Variants in YIPF7 observed in about 807,000 individuals in gnomAD.
The protein encoded by YIPF7 is protein YIPF7.
YIPF7 carries 35 observed loss-of-function variants against 27.2 expected under a neutral mutation model. The ratio of observed to expected loss-of-function variants is 1.29; its 90% CI spans 0.98 to 1.70. YIPF7 has a LOEUF of 1.70. Among genes scored for constraint, YIPF7 ranks in the 40% most tolerant of loss-of-function variants. The pLI is 0.00. For synonymous variants in YIPF7, 137 were observed against 110.4 expected (o/e 1.24, Z -1.51); for missense variants, 358 against 303.7 (o/e 1.18, Z -1.33).
Position 44,622,445 on chromosome 4 carries a change from T to C in YIPF7, c.740A>G (p.Tyr247Cys). The C allele has an allele frequency of 6.2e-7, 1 of 1,613,542 alleles. No homozygotes were observed. The highest frequency in any genetic ancestry group is 8.5e-7 in the Non-Finnish European group (1 of 1,179,710). The stretch of plus-strand genomic sequence containing the variant: ...AATTGTTAGGAGGGCAAAAAGTCCA[T>C]AAAGTATGGCACAAGGGTAGGCAAC... ...LLVAYPCAILYGLFALLTIF is the reference protein window; with the variant it reads ...LLVAYPCAILCGLFALLTIF The change falls in exon 6 of 6, where the codon TAT (tyrosine) becomes TGT (cysteine). Residue 247 changes from tyrosine (Y) to cysteine (C), a missense_variant. Coordinates refer to ENST00000415895, the MANE Select transcript of YIPF7 (RefSeq NM_182592.3).
At chr4:44,642,533 T>C (rs1395973200) in intron 2 of YIPF7, among the ~76,000 whole-genome samples, 2 of 152,134 alleles carry the variant, frequency 1.3e-5, no homozygotes. Context: ...CAAAGTATGA[T>C]CCAAAAAATC....
In YIPF7 at chr4:44,622,590, A is replaced by G. The variant is rs754098355; in HGVS notation, c.609-14T>C. The G allele has an allele frequency of 6.2e-7, 1 of 1,611,462 alleles. No individual in the cohort carries two copies. The highest frequency in any genetic ancestry group is 2.2e-5 in the East Asian group (1 of 44,856). On this transcript the variant is annotated splice_polypyrimidine_tract_variant and intron_variant, in intron 5 of 5. Coordinates refer to ENST00000415895, the MANE Select transcript of YIPF7 (RefSeq NM_182592.3). ...CCAAAGATGCCCCTGCAGCAAAGAC[A>G]AAGAAATGATTGCCTGTGCCAGTAG...
chr4:44,624,569 T>C lies in YIPF7; in HGVS notation c.608+32A>G, dbSNP rs115065558. On this transcript the variant is annotated intron_variant, in intron 5 of 5. Coordinates refer to ENST00000415895, the MANE Select transcript of YIPF7 (RefSeq NM_182592.3). ...GGCAAACCTTGGCTATGATTGTGCA[T>C]GTGGGGTCATTGAGAGCACACAGAC... 2.4e-3 allele frequency: 3,713 copies of C among 1,535,240 alleles called. 79 individuals are homozygous for C. In the African/African-American group the frequency reaches 0.045, roughly 18 times the overall value.
intron 2 of YIPF7, among the ~76,000 whole-genome samples, chr4:44,643,876 T>C (rs1405796904): frequency 1.3e-5 from 2 of 152,022 alleles, no homozygotes; most frequent in African/African-American, 4.8e-5. Context: ...AGAGGATTTA[T>C]GGAAAAGCCT....
At chr4:44,655,493 G>T (rs1006632248), upstream of YIPF7, among the ~76,000 whole-genome samples, 3 of 151,946 alleles carry the variant, frequency 2.0e-5, no homozygotes, top group Non-Finnish European at 2.9e-5. Context: ...AACACTAAAT[G>T]ATGTTTACTT....
intron 2 of YIPF7, among the ~76,000 whole-genome samples, chr4:44,641,571 C>T (rs1013064516): frequency 6.6e-6 from 1 of 152,090 alleles, no homozygotes; most frequent in Non-Finnish European, 1.5e-5. Context: ...CTTGGTAACT[C>T]CTTGTGATTT....
chr4:44,648,394 T>A (rs1713600679), intron 2 of YIPF7, among the ~76,000 whole-genome samples: 1 of 152,144 alleles, frequency 6.6e-6, no homozygotes. Context: ...CAGATTCTGA[T>A]TTGGGATTTG....
chr4:44,659,957 C>T (rs1713997434), intron 2 of YIPF7, among the ~76,000 whole-genome samples: 1 of 151,056 alleles, frequency 6.6e-6, no homozygotes, highest in Non-Finnish European at 1.5e-5. Context: ...ACTAAAAATA[C>T]AAAAAAATTA....
At chr4:44,639,757 G>T (rs1234448172) in intron 2 of YIPF7, among the ~76,000 whole-genome samples, 3 of 147,894 alleles carry the variant, frequency 2.0e-5, no homozygotes, top group Non-Finnish European at 4.4e-5. Flanking sequence ...GAGCATTCTT[G>T]TCTTGTTTCA....
At chr4:44,650,154 T>A in intron 1 of YIPF7, 53 bp from the exon 2 acceptor site, 1 of 1,083,550 alleles carries the variant, frequency 9.2e-7, no homozygotes, top group Non-Finnish European at 1.4e-6. Context: ...AAAACTTAGT[T>A]TGAGATATTT....
intron 1 of YIPF7, among the ~76,000 whole-genome samples, chr4:44,650,532 C>CACACAT (rs1553873572): frequency 6.6e-6 from 1 of 151,580 alleles, no homozygotes; most frequent in East Asian, 1.9e-4. Context: ...CACACACACA[C>CACACAT]TTGTACCAAG....
intron 2 of YIPF7, among the ~76,000 whole-genome samples, chr4:44,658,931 C>T (rs1331894048): frequency 1.3e-5 from 2 of 152,106 alleles, no homozygotes; most frequent in East Asian, 1.9e-4. Context: ...ATTATGGGAG[C>T]TACAATTCAA....
intron 3 of YIPF7, among the ~76,000 whole-genome samples, chr4:44,634,130 C>A (rs1272514278): frequency 6.6e-6 from 1 of 152,170 alleles, no homozygotes; most frequent in East Asian, 1.9e-4. Context: ...AAGGAATAAC[C>A]TTTAAGGCGT....
At chr4:44,638,350 T>C (rs1712034643) in intron 2 of YIPF7, among the ~76,000 whole-genome samples, 1 of 151,984 alleles carries the variant, frequency 6.6e-6, no homozygotes, top group African/African-American at 2.4e-5. Context: ...TGAGTGCATG[T>C]ACCAGCCATG....
intron 2 of YIPF7, among the ~76,000 whole-genome samples, chr4:44,639,778 G>GA (rs35779443): frequency 6.6e-6 from 1 of 151,730 alleles, no homozygotes; most frequent in Non-Finnish European, 1.5e-5. Context: ...TTTTTTCTTA[G>GA]AAAAAAATGC....
At position 44,622,108 on chromosome 4, in the gene YIPF7, G is replaced by A. The variant is rs1278901074; in HGVS notation, c.*306C>T. 3.8e-6 allele frequency: 1 copy of A among 266,020 alleles called. No individual in the cohort carries two copies. Among genetic ancestry groups the A allele is most frequent in the South Asian group, 5.7e-5 (1 of 17,482 alleles). 16.5% of individuals were successfully genotyped at this position (266,020 alleles called of 1,614,324 possible). The stretch of plus-strand genomic sequence containing the variant: ...AGAGATTTCCTTTTAGTAAACATAT[G>A]AGTTTATTTACTTACTTTTCTCAGA... On this transcript the variant is annotated 3_prime_UTR_variant, in exon 6 of 6. Coordinates refer to ENST00000415895, the MANE Select transcript of YIPF7 (RefSeq NM_182592.3).
At chr4:44,628,042 G>C (rs1193710849) in intron 4 of YIPF7, among the ~76,000 whole-genome samples, 1 of 152,126 alleles carries the variant, frequency 6.6e-6, no homozygotes, top group Non-Finnish European at 1.5e-5. Flanking sequence ...GACTTGTAAA[G>C]AAAGATGAGT....
At chr4:44,645,691 A>G in intron 2 of YIPF7, among the ~76,000 whole-genome samples, 1 of 152,208 alleles carries the variant, frequency 6.6e-6, no homozygotes, top group East Asian at 1.9e-4. Flanking sequence ...TTAGATCAAA[A>G]GAAACATTGA....
chr4:44,635,138 A>G (rs1713069687), intron 3 of YIPF7, among the ~76,000 whole-genome samples: 1 of 152,226 alleles, frequency 6.6e-6, no homozygotes, highest in African/African-American at 2.4e-5. Context: ...GACTACATGC[A>G]AAGGACTTGG....
Sources: gnomAD v4.1 joint callset for allele counts (sites outside exome capture counted in the v4.1 genomes callset) on GRCh38, gnomAD v4.1.1 for gene constraint, MANE v1.5 for transcripts, NCBI Gene and HGNC (gene_info 2026-07-23, HGNC 2026-07-21) for gene names.